The following DPP10 variants were observed in gnomAD, a reference collection of about 807,000 sequenced individuals.
The protein encoded by DPP10 is inactive dipeptidyl peptidase 10.
A neutral mutation model predicts 120.9 loss-of-function variants in DPP10; 33 were observed. The ratio of observed to expected loss-of-function variants is 0.27; its 90% CI spans 0.21 to 0.37. DPP10 has a LOEUF of 0.37. DPP10 is among the 10% of genes least tolerant of loss of function. DPP10 has a pLI of 1.00. For missense variants in DPP10, 816 were observed against 942.8 expected, an observed-to-expected ratio of 0.87 and a Z score of 1.76; for synonymous variants, 337 against 326.1, an observed-to-expected ratio of 1.03 and a Z score of -0.36.
At chr2:114,496,437 G>C (rs935344382) in intron 1 of DPP10, among the ~76,000 whole-genome samples, 8 of 152,156 alleles carry the variant, frequency 5.3e-5, no homozygotes, top group African/African-American at 1.9e-4. Flanking sequence ...AGGCTGAGAA[G>C]TCCAAGATAC....
At chr2:115,344,381 A>T (rs62167297) in intron 3 of DPP10, among the ~76,000 whole-genome samples, 3,436 of 152,134 alleles carry the variant, frequency 0.023, 78 homozygotes, top group Non-Finnish European at 0.034. Flanking sequence ...TCACTAGATA[A>T]TTTTTCTTAG....
intron 21 of DPP10, among the ~76,000 whole-genome samples, chr2:115,833,651 C>A (rs1189718905): frequency 6.6e-6 from 1 of 152,068 alleles, no homozygotes; most frequent in Non-Finnish European, 1.5e-5. Flanking sequence ...GGGTCACAGT[C>A]AAAAATGCCA....
intron 1 of DPP10, among the ~76,000 whole-genome samples, chr2:114,832,921 A>C (rs1687269145): frequency 6.7e-6 from 1 of 148,720 alleles, no homozygotes; most frequent in Non-Finnish European, 1.5e-5. Flanking sequence ...TTGCCATTTC[A>C]AAAAATGTAA....
rs961450217 is a variant in DPP10 at position 115,321,759 on chromosome 2, G to A, written c.175+12406G>A. On this transcript the variant is annotated intron_variant, in intron 2 of 25. Coordinates refer to ENST00000410059, the MANE Select transcript of DPP10 (RefSeq NM_020868.6). Reference sequence around the variant, plus strand: ...GCTTTCTGTACCAGTAATTTTAATTGATCTATTATTATTTTCACTGGTTCT... The same window carrying A: ...GCTTTCTGTACCAGTAATTTTAATTAATCTATTATTATTTTCACTGGTTCT... Among the ~76,000 whole-genome samples, 3 of 151,552 alleles carry A rather than the reference G, an allele frequency of 2.0e-5. No homozygotes were observed. The East Asian group carries it at 5.8e-4, about 29-fold the overall frequency.
At chr2:114,569,497 T>C (rs976440570) in intron 1 of DPP10, among the ~76,000 whole-genome samples, 1 of 152,174 alleles carries the variant, frequency 6.6e-6, no homozygotes, top group African/African-American at 2.4e-5. Flanking sequence ...GAGCTATTTT[T>C]AAGACAACAG....
At chr2:114,452,081 A>G (rs904419807) in intron 1 of DPP10, among the ~76,000 whole-genome samples, 1 of 152,178 alleles carries the variant, frequency 6.6e-6, no homozygotes, top group African/African-American at 2.4e-5. Context: ...GACTAATGCC[A>G]ATCATTTAGC....
intron 2 of DPP10, among the ~76,000 whole-genome samples, chr2:115,326,084 C>G (rs1026670404): frequency 6.6e-6 from 1 of 152,022 alleles, no homozygotes; most frequent in East Asian, 1.9e-4. Flanking sequence ...AGACTCTTAC[C>G]CACGTCTACT....
At chr2:115,122,861 C>G (rs2049894032) in intron 1 of DPP10, among the ~76,000 whole-genome samples, 1 of 152,178 alleles carries the variant, frequency 6.6e-6, no homozygotes, top group Admixed American at 6.5e-5. Context: ...CAAGGTCCTT[C>G]CCAACCCCAT....
intron 1 of DPP10, among the ~76,000 whole-genome samples, chr2:114,765,196 G>A (rs1011876695): frequency 6.6e-6 from 1 of 152,020 alleles, no homozygotes; most frequent in Non-Finnish European, 1.5e-5. Context: ...ATTGTACTTT[G>A]CACGTTTAAT....
chr2:114,714,745 C>T (rs968883383), intron 1 of DPP10, among the ~76,000 whole-genome samples: 1 of 151,738 alleles, frequency 6.6e-6, no homozygotes, highest in Admixed American at 6.6e-5. Flanking sequence ...TGACACAATC[C>T]GAGTAAGTCT....
At chr2:114,579,477 C>T (rs1690319713) in intron 1 of DPP10, among the ~76,000 whole-genome samples, 1 of 152,186 alleles carries the variant, frequency 6.6e-6, no homozygotes, top group Non-Finnish European at 1.5e-5. Context: ...AAAAGGTTTG[C>T]AATCTAGATT....
chr2:114,900,463 G>A (rs1433776886), intron 1 of DPP10, among the ~76,000 whole-genome samples: 1 of 152,234 alleles, frequency 6.6e-6, no homozygotes, highest in East Asian at 1.9e-4. Context: ...TGATTGCTAA[G>A]GAAATTGAAC....
At chr2:115,403,416 T>C (rs1265514253) in intron 3 of DPP10, among the ~76,000 whole-genome samples, 18 of 96,176 alleles carry the variant, frequency 1.9e-4, no homozygotes, top group African/African-American at 7.2e-4. Flanking sequence ...TTTTTTTTTT[T>C]TGATACAGAG....
intron 21 of DPP10, among the ~76,000 whole-genome samples, chr2:115,830,226 C>T (rs939788129): frequency 6.6e-5 from 10 of 151,666 alleles, no homozygotes; most frequent in African/African-American, 2.2e-4. Flanking sequence ...GGTGTGGTGG[C>T]GAGTGTCTGT....
At chr2:115,800,027 T>G (rs1685003789) in intron 19 of DPP10, among the ~76,000 whole-genome samples, 2 of 151,486 alleles carry the variant, frequency 1.3e-5, no homozygotes, top group South Asian at 4.2e-4. Context: ...TCCACAATGG[T>G]TGAACTAGTT....
intron 1 of DPP10, among the ~76,000 whole-genome samples, chr2:115,162,777 T>C (rs1424773242): frequency 1.3e-5 from 2 of 152,142 alleles, no homozygotes; most frequent in Non-Finnish European, 2.9e-5. Context: ...CTTTTTGTTT[T>C]GGTCTTTAGA....
At chr2:115,722,098 A>G (rs1193924697) in intron 7 of DPP10, among the ~76,000 whole-genome samples, 1 of 152,062 alleles carries the variant, frequency 6.6e-6, no homozygotes, top group Non-Finnish European at 1.5e-5. Flanking sequence ...GGGCTGAGGG[A>G]GAAGGGAAAA....
chr2:115,295,001 T>G (rs1364884757), intron 1 of DPP10, among the ~76,000 whole-genome samples: 1 of 152,064 alleles, frequency 6.6e-6, no homozygotes, highest in Non-Finnish European at 1.5e-5. Context: ...AAAGGAAAAC[T>G]CTTAATTTAT....
At chr2:115,150,424 C>T (rs1433329599) in intron 1 of DPP10, among the ~76,000 whole-genome samples, 2 of 152,136 alleles carry the variant, frequency 1.3e-5, no homozygotes, top group Admixed American at 1.3e-4. Context: ...AGAGTTAGAA[C>T]ATCTCATAAT....
Sources: gnomAD v4.1 joint callset for allele counts (sites outside exome capture counted in the v4.1 genomes callset) on GRCh38, gnomAD v4.1.1 for gene constraint, MANE v1.5 for transcripts, NCBI Gene and HGNC (gene_info 2026-07-23, HGNC 2026-07-21) for gene names.